Variants in CREB5 observed in about 807,000 individuals in gnomAD.
CREB5 encodes the protein cyclic AMP-responsive element-binding protein 5.
CREB5 carries 19 observed loss-of-function variants against 57.1 expected under a neutral mutation model. The ratio of observed to expected loss-of-function variants is 0.33; its 90% CI spans 0.23 to 0.49. CREB5 has a LOEUF of 0.49. Ranked by LOEUF, CREB5 falls within the 20% of genes least tolerant of loss-of-function variation. The pLI, the probability that CREB5 is intolerant of heterozygous loss-of-function variation, is 0.99. For missense variants in CREB5, 579 were observed against 671.6 expected, an observed-to-expected ratio of 0.86 and a Z score of 1.52; for synonymous variants, 238 against 238.3, an observed-to-expected ratio of 1.00 and a Z score of 0.01.
intron 5 of CREB5, among the ~76,000 whole-genome samples, chr7:28,637,830 G>T (rs1478000747): frequency 3.9e-5 from 6 of 152,138 alleles, no homozygotes; most frequent in Non-Finnish European, 5.9e-5. Context: ...ATTTATAGTT[G>T]TTATTTTTTA....
chr7:28,822,800 T>A lies in CREB5; in HGVS notation c.*3521T>A, dbSNP rs535877185. The A allele has an allele frequency of 5.9e-5, 9 of 152,634 alleles. No individual in the cohort carries two copies. In the East Asian group the frequency reaches 1.7e-3, roughly 29 times the overall value. The allele number at this position is 152,634 out of a possible 1,614,324, so 9.5% of individuals were successfully genotyped here. On this transcript the variant is annotated 3_prime_UTR_variant, in exon 11 of 11. Coordinates refer to ENST00000357727, the MANE Select transcript of CREB5 (RefSeq NM_182898.4). The stretch of plus-strand genomic sequence containing the variant: ...GTAGAGTGAAAATCCCAGCCATGGA[T>A]GAATGTACTAATTTGAAAGCCAAGT...
chr7:28,326,912 C>A (rs1785618260), intron 1 of CREB5, among the ~76,000 whole-genome samples: 1 of 152,024 alleles, frequency 6.6e-6, no homozygotes, highest in Non-Finnish European at 1.5e-5. Flanking sequence ...GCAGGTAGGT[C>A]ATGAAGTCAG....
intron 5 of CREB5, among the ~76,000 whole-genome samples, chr7:28,691,922 A>C (rs1424318076): frequency 2.0e-5 from 3 of 150,516 alleles, no homozygotes; most frequent in Non-Finnish European, 3.0e-5. Flanking sequence ...TAATCCCAGC[A>C]CTTTGGGAGG....
intron 1 of CREB5, among the ~76,000 whole-genome samples, chr7:28,415,840 G>C (rs1231399791): frequency 2.0e-5 from 3 of 152,174 alleles, no homozygotes; most frequent in Non-Finnish European, 2.9e-5. Flanking sequence ...AGAGAAACGG[G>C]TGATGTTTTC....
At chr7:28,818,027 T>C in intron 9 of CREB5, 44 bp from the exon 10 acceptor site, 1 of 1,494,420 alleles carries the variant, frequency 6.7e-7, no homozygotes, top group Non-Finnish European at 9.2e-7. Flanking sequence ...TGGGTTTGTA[T>C]CCTCTGGTCT....
chr7:28,793,144 C>T (rs919228239), intron 7 of CREB5, among the ~76,000 whole-genome samples: 3 of 152,098 alleles, frequency 2.0e-5, no homozygotes, highest in African/African-American at 4.8e-5. Context: ...CCTCTCATAT[C>T]GGTGGTGAGT....
intron 1 of CREB5, among the ~76,000 whole-genome samples, chr7:28,321,448 T>G (rs1006930487): frequency 1.2e-4 from 18 of 152,222 alleles, no homozygotes; most frequent in African/African-American, 3.9e-4. Flanking sequence ...ATACCCAATC[T>G]ATCACAGGGT....
chr7:28,530,675 T>C (rs1254304997), intron 4 of CREB5, among the ~76,000 whole-genome samples: 1 of 152,216 alleles, frequency 6.6e-6, no homozygotes, highest in East Asian at 1.9e-4. Flanking sequence ...CTTTTCGCCA[T>C]AGTTAGCTTT....
intron 5 of CREB5, among the ~76,000 whole-genome samples, chr7:28,641,755 A>G (rs1158783553): frequency 6.6e-6 from 1 of 152,154 alleles, no homozygotes; most frequent in African/African-American, 2.4e-5. Context: ...CACCTCCGCA[A>G]TCTTATTCCA....
intron 1 of CREB5, among the ~76,000 whole-genome samples, chr7:28,378,906 A>G (rs1324952830): frequency 2.0e-5 from 3 of 152,198 alleles, no homozygotes; most frequent in Admixed American, 6.6e-5. Context: ...CATTCCCCCA[A>G]TCTTCCTGAC....
At chr7:28,538,748 T>A (rs1794084236) in intron 4 of CREB5, among the ~76,000 whole-genome samples, 1 of 152,220 alleles carries the variant, frequency 6.6e-6, no homozygotes, top group East Asian at 1.9e-4. Context: ...CATTTCCTTC[T>A]AAGCACAACT....
chr7:28,802,626 C>T (rs1430935685), intron 7 of CREB5, among the ~76,000 whole-genome samples: 1 of 152,216 alleles, frequency 6.6e-6, no homozygotes, highest in South Asian at 2.1e-4. Flanking sequence ...GATATATTTC[C>T]AACGAGTAAC....
chr7:28,552,835 G>A (rs1262415766), intron 4 of CREB5, among the ~76,000 whole-genome samples: 7 of 152,196 alleles, frequency 4.6e-5, no homozygotes, highest in Admixed American at 6.5e-5. Context: ...GATGAAGTAC[G>A]AGGTAGGCAT....
chr7:28,337,317 A>G (rs1785842749), intron 1 of CREB5, among the ~76,000 whole-genome samples: 1 of 152,034 alleles, frequency 6.6e-6, no homozygotes, highest in Non-Finnish European at 1.5e-5. Flanking sequence ...TTATTATTGT[A>G]CTGAAGTCTG....
intron 1 of CREB5, among the ~76,000 whole-genome samples, chr7:28,348,701 A>G (rs1412377067): frequency 1.3e-5 from 2 of 152,098 alleles, no homozygotes; most frequent in Non-Finnish European, 2.9e-5. Context: ...CCTTTTTCCT[A>G]AAGGGTTCCC....
intron 7 of CREB5, among the ~76,000 whole-genome samples, chr7:28,783,942 C>T (rs1807147881): frequency 6.6e-6 from 1 of 152,170 alleles, no homozygotes; most frequent in East Asian, 1.9e-4. Flanking sequence ...CACTGGCAGC[C>T]TCATATATAT....
chr7:28,461,679 C>T (rs946431178), intron 1 of CREB5, among the ~76,000 whole-genome samples: 6 of 152,128 alleles, frequency 3.9e-5, no homozygotes, highest in African/African-American at 1.4e-4. Context: ...ACTTTCCCAA[C>T]AGATGATTAG....
At chr7:28,358,161 G>T (rs985346134) in intron 1 of CREB5, among the ~76,000 whole-genome samples, 1 of 152,152 alleles carries the variant, frequency 6.6e-6, no homozygotes, top group African/African-American at 2.4e-5. Flanking sequence ...CATGGTCAAG[G>T]TCATGTCCTC....
At chr7:28,708,548 C>G (rs576324434) in intron 5 of CREB5, among the ~76,000 whole-genome samples, 62 of 152,102 alleles carry the variant, frequency 4.1e-4, no homozygotes, top group Non-Finnish European at 8.4e-4. Context: ...AATCGAAGAG[C>G]CTTGCAGGAG....
Sources: gnomAD v4.1 joint callset for allele counts (sites outside exome capture counted in the v4.1 genomes callset) on GRCh38, gnomAD v4.1.1 for gene constraint, MANE v1.5 for transcripts, NCBI Gene and HGNC (gene_info 2026-07-23, HGNC 2026-07-21) for gene names.